The following FHIT variants were observed in gnomAD, a reference collection of about 807,000 sequenced individuals.
FHIT encodes bis(5'-adenosyl)-triphosphatase.
FHIT carries 19 observed loss-of-function variants against 17.9 expected under a neutral mutation model. The ratio of observed to expected loss-of-function variants is 1.06; its 90% confidence interval spans 0.74 to 1.56. The LOEUF (loss-of-function observed/expected upper bound fraction) is 1.56. FHIT is among the 40% of genes most tolerant of loss of function. The pLI, the probability that FHIT is intolerant of heterozygous loss-of-function variation, is 0.00. For missense variants in FHIT, 248 were observed against 189.2 expected (o/e 1.31, Z -1.82); for synonymous variants, 81 against 69.7 (o/e 1.16, Z -0.81).
intron 4 of FHIT, among the ~76,000 whole-genome samples, chr3:60,601,659 G>A (rs1186601307): frequency 6.6e-6 from 1 of 152,134 alleles, no homozygotes; most frequent in Admixed American, 6.6e-5. Flanking sequence ...CCTGAATGAG[G>A]AGAGGGTGGG....
intron 7 of FHIT, among the ~76,000 whole-genome samples, chr3:59,954,560 CAAA>C: frequency 6.6e-6 from 1 of 152,240 alleles, no homozygotes; most frequent in East Asian, 1.9e-4. Context: ...ATTCGAAACT[CAAA>C]AGAAGATGAG....
At chr3:61,027,049 T>A (rs948129943) in intron 3 of FHIT, among the ~76,000 whole-genome samples, 1 of 152,048 alleles carries the variant, frequency 6.6e-6, no homozygotes, top group Non-Finnish European at 1.5e-5. Context: ...ATAAAAATAT[T>A]TTAAATAAAT....
rs116807934 is a variant in FHIT, at chr3:60,403,015, A to G, written c.103+133845T>C. On this transcript the variant is annotated intron_variant, in intron 5 of 9. Coordinates refer to ENST00000492590, the MANE Select transcript of FHIT (RefSeq NM_002012.4). ...ATTTCACAGAGATACCAATAGTGCA[A>G]AACAAAGGTTTTGACTGGTTCTCTG... Among the ~76,000 whole-genome samples the G allele has an allele frequency of 7.3e-3, 1,109 of 152,332 alleles. 15 individuals are homozygous for G. Among genetic ancestry groups the G allele is most frequent in the African/African-American group, 0.025 (1,053 of 41,582 alleles).
At chr3:61,181,220 G>A (rs1028500173) in intron 2 of FHIT, among the ~76,000 whole-genome samples, 5 of 152,116 alleles carry the variant, frequency 3.3e-5, no homozygotes, top group African/African-American at 1.2e-4. Flanking sequence ...GCCAAGTAAT[G>A]ACCAATAATG....
chr3:61,022,725 C>T (rs2032515199), intron 3 of FHIT, among the ~76,000 whole-genome samples: 1 of 152,152 alleles, frequency 6.6e-6, no homozygotes, highest in Non-Finnish European at 1.5e-5. Context: ...CTCACATAAA[C>T]AGAACCAATG....
intron 5 of FHIT, among the ~76,000 whole-genome samples, chr3:60,121,225 T>C (rs1371485591): frequency 6.6e-6 from 1 of 152,134 alleles, no homozygotes; most frequent in East Asian, 1.9e-4. Context: ...TTATTATTAG[T>C]AGTAATTATC....
At chr3:60,648,111 G>C (rs1178849667) in intron 4 of FHIT, among the ~76,000 whole-genome samples, 1 of 152,108 alleles carries the variant, frequency 6.6e-6, no homozygotes, top group Non-Finnish European at 1.5e-5. Flanking sequence ...AGGATAGATG[G>C]GACGACAATG....
chr3:60,922,338 TC>T (rs1707329007), intron 3 of FHIT, among the ~76,000 whole-genome samples: 1 of 152,212 alleles, frequency 6.6e-6, no homozygotes, highest in Non-Finnish European at 1.5e-5. Context: ...CAGTGTTCTC[TC>T]TGGCTTTTAC....
chr3:60,897,208 A>G (rs1370471705), intron 3 of FHIT, among the ~76,000 whole-genome samples: 1 of 152,172 alleles, frequency 6.6e-6, no homozygotes, highest in Non-Finnish European at 1.5e-5. Flanking sequence ...TTACAACATA[A>G]CCACGATGAT....
intron 2 of FHIT, among the ~76,000 whole-genome samples, chr3:61,187,600 C>T (rs149102106): frequency 3.2e-4 from 48 of 152,306 alleles, no homozygotes; most frequent in African/African-American, 1.1e-3. Context: ...ATCTACAGAA[C>T]TCTCCATCCC....
At chr3:60,531,783 T>A (rs184214215) in intron 5 of FHIT, among the ~76,000 whole-genome samples, 1 of 152,356 alleles carries the variant, frequency 6.6e-6, no homozygotes. Context: ...ATTTTTCCAC[T>A]TATTTCAGGA....
At chr3:61,220,697 T>C (rs978732503) in intron 1 of FHIT, among the ~76,000 whole-genome samples, 1 of 152,248 alleles carries the variant, frequency 6.6e-6, no homozygotes, top group Non-Finnish European at 1.5e-5. Flanking sequence ...CTGGCACATA[T>C]ACTCCGTAAA....
chr3:60,158,703 G>C (rs1054709327), intron 5 of FHIT, among the ~76,000 whole-genome samples: 4 of 152,168 alleles, frequency 2.6e-5, no homozygotes, highest in African/African-American at 9.7e-5. Flanking sequence ...AAGAGTGACT[G>C]CTACTTCATT....
intron 4 of FHIT, among the ~76,000 whole-genome samples, chr3:60,624,006 T>C (rs888519019): frequency 3.3e-5 from 5 of 152,182 alleles, no homozygotes; most frequent in African/African-American, 1.2e-4. Context: ...TGGCAGAACA[T>C]GCTAAGTACA....
At chr3:60,512,586 C>G (rs1171710974) in intron 5 of FHIT, among the ~76,000 whole-genome samples, 1 of 150,642 alleles carries the variant, frequency 6.6e-6, no homozygotes, top group Non-Finnish European at 1.5e-5. Flanking sequence ...AAAACTGTGT[C>G]TTTTACAGTG....
chr3:60,849,838 C>T (rs1703079311), intron 3 of FHIT, among the ~76,000 whole-genome samples: 1 of 151,924 alleles, frequency 6.6e-6, no homozygotes, highest in Admixed American at 6.6e-5. Context: ...TGTAATTGAT[C>T]AAATTCAAGC....
chr3:60,282,309 A>G (rs374516645), intron 5 of FHIT, among the ~76,000 whole-genome samples: 1 of 152,206 alleles, frequency 6.6e-6, no homozygotes, highest in South Asian at 2.1e-4. Context: ...CTAGTCTACA[A>G]TTTTTTCTTT....
At chr3:61,063,153 G>A (rs2034485651) in intron 2 of FHIT, among the ~76,000 whole-genome samples, 1 of 150,916 alleles carries the variant, frequency 6.6e-6, no homozygotes, top group Non-Finnish European at 1.5e-5. Context: ...CTACTCGGGA[G>A]GCTGAGGCAG....
chr3:60,015,880 G>C (rs76621284), intron 5 of FHIT, among the ~76,000 whole-genome samples: 17,906 of 152,080 alleles, frequency 0.12, 1,601 homozygotes, highest in East Asian at 0.32. Context: ...AAAACTTATT[G>C]TTTGTCAATT....
Sources: gnomAD v4.1 joint callset for allele counts (sites outside exome capture counted in the v4.1 genomes callset) on GRCh38, gnomAD v4.1.1 for gene constraint, MANE v1.5 for transcripts, NCBI Gene and HGNC (gene_info 2026-07-23, HGNC 2026-07-21) for gene names.